The following ZNF469 variants were observed in gnomAD, a reference collection of about 807,000 sequenced individuals.
ZNF469 encodes zinc finger protein 469.
Under a neutral mutation model 1.0 loss-of-function variants are expected in ZNF469, and 1 was observed. That is an observed-to-expected ratio of 1.00 (90% confidence interval 0.35 to 4.73). The LOEUF (loss-of-function observed/expected upper bound fraction) is 4.73. Among genes scored for constraint, ZNF469 ranks in the 30% most tolerant of loss-of-function variants. The pLI, the probability that ZNF469 is intolerant of heterozygous loss-of-function variation, is 0.16. For synonymous variants in ZNF469, 2,703 were observed against 2,363.4 expected, an observed-to-expected ratio of 1.14 and a Z score of -4.17; for missense variants, 6,100 against 5,356.3, an observed-to-expected ratio of 1.14 and a Z score of -4.33.
At chr16:88,111,432 A>G in the ZNF469 span, among the ~76,000 whole-genome samples, 1 of 152,188 alleles carries the variant, frequency 6.6e-6, no homozygotes, top group Admixed American at 6.5e-5. Flanking sequence ...TTTAAGATGT[A>G]CAACAAATTA....
At chr16:88,113,384 C>T in the ZNF469 span, among the ~76,000 whole-genome samples, 17 of 152,198 alleles carry the variant, frequency 1.1e-4, no homozygotes, top group African/African-American at 4.1e-4. Flanking sequence ...GTTCTTGCCA[C>T]CTTTGTTGAA....
chr16:88,380,249 G>A (rs74376355), upstream of ZNF469, among the ~76,000 whole-genome samples: 458 of 123,106 alleles, frequency 3.7e-3, 6 homozygotes, highest in Middle Eastern at 0.017. Flanking sequence ...ACACACAAAT[G>A]CACTCACACA....
chr16:88,118,455 C>G, the ZNF469 span, among the ~76,000 whole-genome samples: 1 of 152,174 alleles, frequency 6.6e-6, no homozygotes. Context: ...TGGTCCTGCC[C>G]GCCGTGGGCC....
At chr16:88,150,071 G>T in the ZNF469 span, among the ~76,000 whole-genome samples, 1 of 152,238 alleles carries the variant, frequency 6.6e-6, no homozygotes, top group African/African-American at 2.4e-5. Context: ...ACTTTGAGAG[G>T]CCGAGGCGGG....
At chr16:88,270,816 G>A in the ZNF469 span, among the ~76,000 whole-genome samples, 216 of 152,356 alleles carry the variant, frequency 1.4e-3, no homozygotes, top group African/African-American at 4.9e-3. Flanking sequence ...AGGGCTAACC[G>A]CCAAGAACTT....
chr16:88,262,626 C>T, the ZNF469 span, among the ~76,000 whole-genome samples: 5 of 152,260 alleles, frequency 3.3e-5, no homozygotes, highest in East Asian at 9.7e-4. This position sits in a 1 kb window ranked among gnomAD's most constrained non-coding sequence, Gnocchi z 4.3. Flanking sequence ...ACCTGGGGGG[C>T]AGAGGCTCCC....
chr16:88,319,306 C>T, the ZNF469 span, among the ~76,000 whole-genome samples: 1 of 152,198 alleles, frequency 6.6e-6, no homozygotes, highest in African/African-American at 2.4e-5. Flanking sequence ...GTCGCCTAAA[C>T]AAATGCACTC....
chr16:88,119,743 C>T, the ZNF469 span, among the ~76,000 whole-genome samples: 1 of 152,300 alleles, frequency 6.6e-6, no homozygotes, highest in Middle Eastern at 3.4e-3. Flanking sequence ...CCTGGTTCTC[C>T]GCTGGGAAGT....
Position 88,434,386 on chromosome 16 carries a change from C to G in ZNF469, c.6916C>G (p.Pro2306Ala). ...EAQAGRGLPGPDPQSRGAPPH... is the reference protein window; with the variant it reads ...EAQAGRGLPGADPQSRGAPPH... ...ACAGGCAGGCAGGGGACTCCCAGGG[C>G]CAGACCCCCAGAGCAGGGGAGCCCC... The change falls in exon 3 of 3, where the codon CCA (proline) becomes GCA (alanine). Residue 2306 changes from proline to alanine, a missense_variant. Transcript: ENST00000565624. 6.5e-7 allele frequency: 1 copy of G among 1,549,900 alleles called. No individual in the cohort carries two copies. The highest frequency in any genetic ancestry group is 8.7e-7 in the Non-Finnish European group (1 of 1,146,932).
chr16:88,289,744 C>T, the ZNF469 span, among the ~76,000 whole-genome samples: 1 of 152,086 alleles, frequency 6.6e-6, no homozygotes, highest in African/African-American at 2.4e-5. Context: ...GGTCTTCGTG[C>T]CTTAAGGTCC....
At chr16:88,287,585 A>G in the ZNF469 span, among the ~76,000 whole-genome samples, 1 of 152,228 alleles carries the variant, frequency 6.6e-6, no homozygotes, top group Admixed American at 6.5e-5. Flanking sequence ...GGATCATTTT[A>G]TCACAATTAT....
At chr16:88,305,878 CACAT>C in the ZNF469 span, among the ~76,000 whole-genome samples, 2 of 152,176 alleles carry the variant, frequency 1.3e-5, no homozygotes, top group Non-Finnish European at 2.9e-5. Flanking sequence ...TTCACATACA[CACAT>C]ACATCCCCAG....
chr16:88,130,599 G>A, the ZNF469 span, among the ~76,000 whole-genome samples: 29 of 151,932 alleles, frequency 1.9e-4, no homozygotes, highest in Admixed American at 5.2e-4. Context: ...CCAGCTACTC[G>A]GGAGGCTGAG....
the ZNF469 span, among the ~76,000 whole-genome samples, chr16:88,122,825 G>GTA: frequency 1.8e-4 from 27 of 152,220 alleles, 1 homozygote; most frequent in South Asian, 6.2e-4. Context: ...TTAACTCTGT[G>GTA]TATATATGTG....
At chr16:88,381,642 A>G (rs962199371), upstream of ZNF469, among the ~76,000 whole-genome samples, 5 of 152,228 alleles carry the variant, frequency 3.3e-5, no homozygotes, top group Non-Finnish European at 5.9e-5. Flanking sequence ...AGATCCCAGG[A>G]CCTGGAGGCC....
chr16:88,140,993 G>T, the ZNF469 span, among the ~76,000 whole-genome samples: 1 of 152,206 alleles, frequency 6.6e-6, no homozygotes, highest in East Asian at 1.9e-4. Flanking sequence ...CTTTACAAGA[G>T]AATTTAATGT....
In ZNF469 at chr16:88,428,188, G is replaced by A; in HGVS notation, c.718G>A (p.Glu240Lys). ...SGADSWPPAAENSFPGANFGV... is the reference protein window; with the variant it reads ...SGADSWPPAAKNSFPGANFGV... ...GGCCGACTCCTGGCCTCCCGCTGCT[G>A]AGAATAGCTTCCCAGGTGCTAATTT... The change falls in exon 3 of 3, where the codon GAG becomes AAG. Residue 240 changes from glutamate (E) to lysine (K), a missense_variant. Physicochemically the swap from Glu to Lys is moderately conservative, Grantham distance 56. Coordinates refer to ENST00000565624, the MANE Select transcript of ZNF469 (RefSeq NM_001367624.2). 6.5e-7 allele frequency: 1 copy of A among 1,550,280 alleles called. No homozygotes were observed. The highest frequency in any genetic ancestry group is 8.7e-7 in the Non-Finnish European group (1 of 1,146,942).
intron 1 of ZNF469, among the ~76,000 whole-genome samples, chr16:88,407,683 T>C (rs775761626): frequency 6.6e-5 from 10 of 152,234 alleles, no homozygotes; most frequent in Non-Finnish European, 1.0e-4. Context: ...CATGCATTTC[T>C]AGATGGTTCC....
chr16:88,336,079 CCAA>C, the ZNF469 span, among the ~76,000 whole-genome samples: 1 of 150,512 alleles, frequency 6.6e-6, no homozygotes, highest in African/African-American at 2.5e-5. Flanking sequence ...CACTAACATG[CCAA>C]CACCACACAT....
Sources: allele counts gnomAD v4.1 joint callset (sites outside exome capture counted in the v4.1 genomes callset), GRCh38; gene constraint gnomAD v4.1.1; non-coding constraint Gnocchi (gnomAD v3.1); transcripts MANE v1.5; gene names NCBI Gene and HGNC (gene_info 2026-07-23, HGNC 2026-07-21).